CRAT: variants seen among roughly 807,000 people sequenced by gnomAD.
CRAT encodes the protein carnitine O-acetyltransferase.
CRAT carries 66 observed loss-of-function variants against 73.7 expected under a neutral mutation model. The ratio of observed to expected loss-of-function variants is 0.90; its 90% confidence interval spans 0.73 to 1.10. The LOEUF is 1.10. Among genes scored for constraint, CRAT ranks in the 50% least tolerant of loss-of-function variants. The probability of loss-of-function intolerance (pLI) is 0.00; values close to 1 mark genes in which losing one functional copy is unlikely to be tolerated. For missense variants in CRAT, 745 were observed against 846.9 expected, an observed-to-expected ratio of 0.88 and a Z score of 1.49; for synonymous variants, 321 against 343.2, an observed-to-expected ratio of 0.94 and a Z score of 0.71.
chr9:129,101,882 C>G lies in CRAT; in HGVS notation c.805+1G>C, dbSNP rs1355230272. ...GCCCCAGCACGGCCCCCAAGAGGCA[C>G]CTTTGATGAGGGTGTTGTATGCCTT... is the stretch of plus-strand genomic sequence containing the variant. On this transcript the variant is annotated splice_donor_variant, in intron 6 of 13. Coordinates refer to ENST00000318080, the MANE Select transcript of CRAT (RefSeq NM_000755.5). LOFTEE classifies it high-confidence loss of function. 6.2e-7 allele frequency: 1 copy of G among 1,613,350 alleles called. No homozygotes were observed. The highest frequency in any genetic ancestry group is 1.3e-5 in the African/African-American group (1 of 74,912).
In CRAT at chr9:129,106,191, C is replaced by T. The variant is rs1848004389; in HGVS notation, c.291+1623G>A. 6.6e-6 allele frequency among the ~76,000 whole-genome samples: 1 copy of T among 152,190 alleles called. No homozygotes were observed. The highest frequency in any genetic ancestry group is 1.5e-5 in the Non-Finnish European group (1 of 68,026). ...GGCAACTTGTCCCCAAGTTGTACAA[C>T]AGGTGACTGGTAGCCCCTAAGAACT... On this transcript the variant is annotated intron_variant, in intron 2 of 13. Transcript: ENST00000318080. This position sits in a 1 kb window ranked among gnomAD's most constrained non-coding sequence, Gnocchi z 4.0.
intron 7 of CRAT, chr9:129,100,259 C>A (rs1328549103): frequency 2.0e-5 from 12 of 587,316 alleles, no homozygotes; most frequent in Non-Finnish European, 3.3e-5. Context: ...CACTGGTGAC[C>A]CCGGATCCCA....
In CRAT at chr9:129,096,087, G is replaced by A; in HGVS notation, c.1576C>T (p.Gln526Ter). ...ATGCTCACCAGGTCCTCGATGGCCT[G>A]CAGCTTCAGGCCCAGCAGGTGTCGA... ...FDRHLLGLKL[Q>*]AIEDLVSMPD... Residue 526 changes from glutamine (Q) to a stop codon, truncating the protein, a stop_gained, in exon 13 of 14, where the codon CAG becomes TAG. Coordinates refer to ENST00000318080, the MANE Select transcript of CRAT (RefSeq NM_000755.5). LOFTEE classifies it high-confidence loss of function. The A allele has an allele frequency of 6.2e-7, 1 of 1,613,932 alleles. No individual in the cohort carries two copies. Among genetic ancestry groups the A allele is most frequent in the South Asian group, 1.1e-5 (1 of 91,088 alleles).
At position 129,098,275 on chromosome 9, in the gene CRAT, C is replaced by T. The variant is rs755854715; in HGVS notation, c.1302G>A (p.Gln434=). 5 of 1,613,880 alleles carry T rather than the reference C, an allele frequency of 3.1e-6. No homozygotes were observed. In the African/African-American group the frequency reaches 5.3e-5, roughly 17 times the overall value. ...SEKLSPDAFI[Q]MALQLAYYRI... is the part of the protein sequence containing the mutation. ...TGTAGTAGGCCAGCTGCAAAGCCAT[C>T]TGGATGAAGGCATCTGGGCTTAGCT... The change falls in exon 10 of 14, where the codon CAG becomes CAA. Residue 434 remains glutamine, a synonymous_variant. Coordinates refer to ENST00000318080, the MANE Select transcript of CRAT (RefSeq NM_000755.5).
chr9:129,099,197 C>T (rs1301928114), intron 8 of CRAT, among the ~76,000 whole-genome samples: 1 of 148,188 alleles, frequency 6.7e-6, no homozygotes, highest in East Asian at 2.0e-4. Context: ...GGCTAGAGTG[C>T]AATGGTGTGA....
Position 129,107,575 on chromosome 9 carries a change from C to A in CRAT, c.291+239G>T, listed in dbSNP as rs1195437408. On this transcript the variant is annotated intron_variant, in intron 2 of 13. Transcript: ENST00000318080. The surrounding 1 kb of genome is among the most constrained non-coding windows in gnomAD (Gnocchi z 5.0). ...CCTGCCTCTGTCCTGGAACATGAAA[C>A]CTTGTCCACAACCTGTATCCTGTTC... is the stretch of plus-strand genomic sequence containing the variant. 2.9e-6 allele frequency: 2 copies of A among 695,800 alleles called. No individual in the cohort carries two copies. The highest frequency in any genetic ancestry group is 1.6e-5 in the South Asian group (1 of 62,736). The allele number at this position is 695,800 out of a possible 1,614,324, so 43.1% of individuals were successfully genotyped here.
intron 12 of CRAT, 73 bp downstream of exon 12, chr9:129,097,177 A>T (rs1588441490): frequency 7.5e-7 from 1 of 1,342,116 alleles, no homozygotes; most frequent in East Asian, 2.7e-5. Flanking sequence ...GGCTGCAGGG[A>T]CGGACAGTCA....
In CRAT at chr9:129,107,841, C is replaced by T. The variant is rs139321162; in HGVS notation, c.264G>A (p.Glu88=). The T allele has an allele frequency of 6.2e-7, 1 of 1,612,844 alleles. No homozygotes were observed. Among genetic ancestry groups the T allele is most frequent in the African/African-American group, 1.3e-5 (1 of 74,922 alleles). The change falls in exon 2 of 14, where the codon GAG becomes GAA. Residue 88 remains glutamate (E), a synonymous_variant. Transcript: ENST00000318080. This position sits in a 1 kb window ranked among gnomAD's most constrained non-coding sequence, Gnocchi z 5.0. ...GVGERLQKGL[E]RRARKTENWL... is the part of the protein sequence containing the mutation. ...AGTTCTCCGTCTTCCTGGCCCGACGCTCCAGCCCCTTCTGCAGGCGCTCCC... is the reference window on the plus strand; with the variant it reads ...AGTTCTCCGTCTTCCTGGCCCGACGTTCCAGCCCCTTCTGCAGGCGCTCCC...
chr9:129,108,503 G>T (rs1319168298), intron 1 of CRAT: 2 of 1,164,498 alleles, frequency 1.7e-6, no homozygotes, highest in Non-Finnish European at 2.1e-6. Flanking sequence ...AAACAGAAGG[G>T]AAGAAGAGAG....
At position 129,110,769 on chromosome 9, in the gene CRAT, G is replaced by A. The variant is rs1169988356; in HGVS notation, c.-260C>T. 3.6e-6 allele frequency: 2 copies of A among 562,360 alleles called. No individual in the cohort carries two copies. Among genetic ancestry groups the A allele is most frequent in the East Asian group, 7.4e-5 (2 of 26,902 alleles). 34.8% of individuals were successfully genotyped at this position (562,360 alleles called of 1,614,324 possible). ...GGGCCCCGGGCGGGCAACGGTGCCC[G>A]GGAGGTTGGCTGTGGGGCGGGGACG... On this transcript the variant is annotated 5_prime_UTR_variant, in exon 1 of 14. Transcript: ENST00000318080. This position sits in a 1 kb window ranked among gnomAD's most constrained non-coding sequence, Gnocchi z 5.3.
At position 129,110,539 on chromosome 9, in the gene CRAT, C is replaced by T; in HGVS notation, c.-30G>A. ...GCTGCCCGTCCGCGGACACGCAGTC[C>T]GCTCCGCCCCACACACCGGGCAAAG... On this transcript the variant is annotated 5_prime_UTR_variant, in exon 1 of 14. Transcript: ENST00000318080. This position sits in a 1 kb window ranked among gnomAD's most constrained non-coding sequence, Gnocchi z 5.3. The T allele has an allele frequency of 3.2e-6, 5 of 1,573,978 alleles. No individual in the cohort carries two copies. Among genetic ancestry groups the T allele is most frequent in the Non-Finnish European group, 4.3e-6 (5 of 1,166,930 alleles).
intron 11 of CRAT, 165 bp downstream of exon 11, chr9:129,097,848 C>T: frequency 1.0e-6 from 1 of 987,034 alleles, no homozygotes; most frequent in Non-Finnish European, 1.5e-6. Flanking sequence ...CCTCTTTGGT[C>T]CCCAGGAAGC....
intron 1 of CRAT, among the ~76,000 whole-genome samples, chr9:129,109,510 T>G (rs1480556477): frequency 2.0e-5 from 3 of 152,098 alleles, no homozygotes; most frequent in Non-Finnish European, 2.9e-5. Flanking sequence ...TTGGGCTGGA[T>G]TTGAATGAGC....
Position 129,102,400 on chromosome 9 carries a change from C to A in CRAT, c.630G>T (p.Gln210His). The part of the protein sequence containing the change: ...PTHITVVHNY[Q>H]FFELDVYHSD... ...GTAGGTGTGGGTGGGGGCCACCCAC[C>A]TGGTAGTTGTGTACCACGGTGATGT... Residue 210 changes from glutamine (Q) to histidine (H), a missense_variant and splice_region_variant, in exon 5 of 14, where the codon CAG (glutamine) becomes CAT (histidine). Transcript: ENST00000318080. The A allele has an allele frequency of 6.2e-7, 1 of 1,614,080 alleles. No homozygotes were observed. Among genetic ancestry groups the A allele is most frequent in the East Asian group, 2.2e-5 (1 of 44,868 alleles).
rs1848003895 is a variant in CRAT at position 129,106,179 on chromosome 9, C to T, written c.291+1635G>A. Among the ~76,000 whole-genome samples, 1 of 152,128 alleles carries T rather than the reference C, an allele frequency of 6.6e-6. No individual in the cohort carries two copies. The highest frequency in any genetic ancestry group is 2.4e-5 in the African/African-American group (1 of 41,414). ...GGGTGAGGGGGAGGCAACTTGTCCC[C>T]AAGTTGTACAACAGGTGACTGGTAG... On this transcript the variant is annotated intron_variant, in intron 2 of 13. Coordinates refer to ENST00000318080, the MANE Select transcript of CRAT (RefSeq NM_000755.5). This position sits in a 1 kb window ranked among gnomAD's most constrained non-coding sequence, Gnocchi z 4.0.
intron 2 of CRAT, 94 bp from the exon 3 acceptor site, chr9:129,104,400 T>C (rs1370449527): frequency 3.3e-6 from 3 of 896,366 alleles, no homozygotes; most frequent in Non-Finnish European, 3.5e-6. Flanking sequence ...CCCCATGCCC[T>C]CTACCTGGCT....
chr9:129,097,764 C>G lies in CRAT; in HGVS notation c.1464+249G>C, dbSNP rs1847374005. Reference sequence around the variant, plus strand: ...TTGCAACTACCAACTCCTTGGTCCTCAGCCAGGGCCTGACATAGGGCAGTT... The same window carrying G: ...TTGCAACTACCAACTCCTTGGTCCTGAGCCAGGGCCTGACATAGGGCAGTT... On this transcript the variant is annotated intron_variant, in intron 11 of 13. Coordinates refer to ENST00000318080, the MANE Select transcript of CRAT (RefSeq NM_000755.5). The G allele has an allele frequency of 9.6e-6, 5 of 522,366 alleles. No homozygotes were observed. The East Asian group carries it at 1.6e-4, about 16-fold the overall frequency. The allele number at this position is 522,366 out of a possible 1,614,324, so 32.4% of individuals were successfully genotyped here.
At chr9:129,105,001 C>A (rs10988208) in intron 2 of CRAT, among the ~76,000 whole-genome samples, 1 of 145,436 alleles carries the variant, frequency 6.9e-6, no homozygotes, top group Non-Finnish European at 1.5e-5. Context: ...CCTGGGTTCA[C>A]GCCATTCTCC....
intron 11 of CRAT, 37 bp from the exon 12 acceptor site, chr9:129,097,349 T>C (rs1207155057): frequency 1.1e-5 from 16 of 1,517,646 alleles, no homozygotes; most frequent in Non-Finnish European, 1.4e-5. Flanking sequence ...TGAAGCACTG[T>C]CCCTTCTCTT....
Sources: allele counts gnomAD v4.1 joint callset (sites outside exome capture counted in the v4.1 genomes callset), GRCh38; gene constraint gnomAD v4.1.1; non-coding constraint Gnocchi (gnomAD v3.1); transcripts MANE v1.5; gene names NCBI Gene and HGNC (gene_info 2026-07-23, HGNC 2026-07-21).